The following E2F3 variants were observed in gnomAD, a reference collection of about 807,000 sequenced individuals.
E2F3 encodes the protein E2F transcription factor 3.
A neutral mutation model predicts 44.4 loss-of-function variants in E2F3; 11 were observed. The ratio of observed to expected loss-of-function variants is 0.25; its 90% CI spans 0.16 to 0.41. The LOEUF is 0.41. E2F3 is among the 10% of genes least tolerant of loss of function. The pLI is 1.00. For synonymous variants in E2F3, 249 were observed against 253.0 expected, an observed-to-expected ratio of 0.98 and a Z score of 0.15; for missense variants, 487 against 583.6, an observed-to-expected ratio of 0.83 and a Z score of 1.70.
intron 1 of E2F3, among the ~76,000 whole-genome samples, chr6:20,422,265 C>G (rs1052043062): frequency 6.6e-6 from 1 of 152,240 alleles, no homozygotes; most frequent in Non-Finnish European, 1.5e-5. Flanking sequence ...CTTCCAACCT[C>G]TGCAGCTTCC....
At chr6:20,445,655 G>C in intron 1 of E2F3, among the ~76,000 whole-genome samples, 1 of 152,172 alleles carries the variant, frequency 6.6e-6, no homozygotes, top group Middle Eastern at 3.2e-3. Context: ...AGTTTAGCCA[G>C]TACAGTAAGT....
intron 6 of E2F3, among the ~76,000 whole-genome samples, chr6:20,489,332 A>C (rs912918885): frequency 3.3e-5 from 5 of 152,174 alleles, no homozygotes; most frequent in African/African-American, 4.8e-5. Flanking sequence ...AAATCAGTGA[A>C]TTCTGCATGT....
intron 2 of E2F3, 21 bp from the exon 3 acceptor site, chr6:20,481,185 C>A: frequency 6.2e-7 from 1 of 1,611,248 alleles, no homozygotes; most frequent in South Asian, 1.1e-5. Context: ...CCCACCCGCT[C>A]GGTTTTTGTT....
intron 1 of E2F3, 110 bp from the exon 2 acceptor site, chr6:20,479,736 G>A: frequency 1.2e-6 from 1 of 834,332 alleles, no homozygotes; most frequent in Non-Finnish European, 1.9e-6. Context: ...GAGCAGAGGG[G>A]TGAGAGCTGG....
chr6:20,463,603 G>A (rs1205034400), intron 1 of E2F3, among the ~76,000 whole-genome samples: 1 of 152,112 alleles, frequency 6.6e-6, no homozygotes, highest in East Asian at 1.9e-4. Context: ...ATTTTAAAAG[G>A]TTTTCGCTGG....
At chr6:20,485,975 C>T (rs1440945786) in intron 4 of E2F3, among the ~76,000 whole-genome samples, 1 of 151,584 alleles carries the variant, frequency 6.6e-6, no homozygotes, top group African/African-American at 2.4e-5. Flanking sequence ...TTTTTTTTTC[C>T]TGCAAATTGG....
At chr6:20,487,724 A>C (rs755002771) in intron 5 of E2F3, among the ~76,000 whole-genome samples, 2 of 152,186 alleles carry the variant, frequency 1.3e-5, no homozygotes, top group Non-Finnish European at 2.9e-5. Context: ...GGCAGGACTC[A>C]GCAAACTTTT....
chr6:20,406,324 T>C (rs1032514539), intron 1 of E2F3, among the ~76,000 whole-genome samples: 1 of 152,242 alleles, frequency 6.6e-6, no homozygotes, highest in African/African-American at 2.4e-5. Flanking sequence ...ACCTTTAAGG[T>C]TCTTTTGAAG....
Position 20,491,986 on chromosome 6 carries a change from C to T in E2F3, c.*1556C>T, listed in dbSNP as rs572737857. Reference sequence around the variant, plus strand: ...CACTGGGAATATGGCGTAGTATCTCCGGTCCATTCCTTGGATGCTAAGGAC... The same window carrying T: ...CACTGGGAATATGGCGTAGTATCTCTGGTCCATTCCTTGGATGCTAAGGAC... On this transcript the variant is annotated 3_prime_UTR_variant, in exon 7 of 7. Coordinates refer to ENST00000346618, the MANE Select transcript of E2F3 (RefSeq NM_001949.5). The T allele has an allele frequency of 1.6e-5, 3 of 186,816 alleles. No individual in the cohort carries two copies. The highest frequency in any genetic ancestry group is 1.2e-4 in the Admixed American group (2 of 16,092). The allele number at this position is 186,816 out of a possible 1,614,324, so 11.6% of individuals were successfully genotyped here.
intron 1 of E2F3, among the ~76,000 whole-genome samples, chr6:20,418,394 G>A (rs1032135747): frequency 6.6e-6 from 1 of 152,222 alleles, no homozygotes; most frequent in African/African-American, 2.4e-5. Flanking sequence ...TGGCCAGCCA[G>A]TTGGCTGTCT....
intron 1 of E2F3, among the ~76,000 whole-genome samples, chr6:20,429,232 A>G (rs965804561): frequency 4.6e-5 from 7 of 152,196 alleles, no homozygotes; most frequent in African/African-American, 1.7e-4. Context: ...GTGTCATATA[A>G]GCCATCTCAA....
At chr6:20,474,589 T>C (rs1293088211) in intron 1 of E2F3, among the ~76,000 whole-genome samples, 2 of 152,054 alleles carry the variant, frequency 1.3e-5, no homozygotes, top group Non-Finnish European at 2.9e-5. Context: ...CTAACAAAAA[T>C]TGAGATGACC....
chr6:20,466,601 C>T (rs1761718217), intron 1 of E2F3, among the ~76,000 whole-genome samples: 1 of 151,478 alleles, frequency 6.6e-6, no homozygotes, highest in Non-Finnish European at 1.5e-5. Flanking sequence ...TTCTTAATAG[C>T]CATCTAAAGA....
intron 1 of E2F3, among the ~76,000 whole-genome samples, chr6:20,466,173 C>T (rs1399504496): frequency 1.3e-5 from 2 of 152,102 alleles, no homozygotes; most frequent in South Asian, 2.1e-4. Flanking sequence ...AGTGCAGTGT[C>T]GTGATGTCAG....
intron 1 of E2F3, among the ~76,000 whole-genome samples, chr6:20,448,783 A>T (rs1761033363): frequency 1.3e-5 from 2 of 152,204 alleles, no homozygotes; most frequent in Non-Finnish European, 2.9e-5. Flanking sequence ...ACAAAGCTGA[A>T]GGTGGGGGTG....
intron 1 of E2F3, among the ~76,000 whole-genome samples, chr6:20,450,681 T>C (rs780191845): frequency 2.0e-5 from 3 of 152,234 alleles, no homozygotes; most frequent in Non-Finnish European, 4.4e-5. Flanking sequence ...TTTGGTGTCT[T>C]CGTCATGAAA....
intron 1 of E2F3, among the ~76,000 whole-genome samples, chr6:20,403,443 C>T (rs990075847): frequency 8.5e-5 from 13 of 152,082 alleles, no homozygotes; most frequent in African/African-American, 2.7e-4. Flanking sequence ...CCCCTCTCCG[C>T]CCCCCGGCGA....
chr6:20,442,815 G>A (rs1229126183), intron 1 of E2F3, among the ~76,000 whole-genome samples: 1 of 151,918 alleles, frequency 6.6e-6, no homozygotes, highest in African/African-American at 2.4e-5. Context: ...ACTAAAAATA[G>A]AAAAATTGGC....
chr6:20,416,680 A>G (rs926907228), intron 1 of E2F3, among the ~76,000 whole-genome samples: 1 of 152,124 alleles, frequency 6.6e-6, no homozygotes, highest in Non-Finnish European at 1.5e-5. Flanking sequence ...CGTCATTCCA[A>G]TGCACCAAGT....
Sources: gnomAD v4.1 joint callset for allele counts (sites outside exome capture counted in the v4.1 genomes callset) on GRCh38, gnomAD v4.1.1 for gene constraint, MANE v1.5 for transcripts, NCBI Gene and HGNC (gene_info 2026-07-23, HGNC 2026-07-21) for gene names.